Variants in INO80 observed in about 807,000 individuals in gnomAD.
The protein encoded by INO80 is INO80 complex ATPase subunit.
INO80 carries 20 observed loss-of-function variants against 203.4 expected under a neutral mutation model. That is an observed-to-expected ratio of 0.10 (90% CI 0.07 to 0.14). The LOEUF is 0.14. Among genes scored for constraint, INO80 ranks in the 10% least tolerant of loss-of-function variants. The pLI is 1.00. For missense variants in INO80, 1,419 were observed against 1,914.4 expected (o/e 0.74, Z 4.83); for synonymous variants, 726 against 685.2 (o/e 1.06, Z -0.93).
At chr15:41,066,147 T>C (rs1170674447) in intron 14 of INO80, among the ~76,000 whole-genome samples, 1 of 151,630 alleles carries the variant, frequency 6.6e-6, no homozygotes, top group Non-Finnish European at 1.5e-5. Flanking sequence ...CCCAGCTAAT[T>C]TTGTATTTTT....
intron 6 of INO80, among the ~76,000 whole-genome samples, chr15:41,086,736 T>A (rs1260394179): frequency 6.6e-6 from 1 of 152,104 alleles, no homozygotes; most frequent in East Asian, 1.9e-4. Context: ...TTCAGTTTCC[T>A]TCCTGATATC....
intron 1 of INO80, among the ~76,000 whole-genome samples, chr15:41,106,579 G>T (rs879833581): frequency 6.6e-6 from 1 of 151,822 alleles, no homozygotes; most frequent in East Asian, 1.9e-4. Flanking sequence ...TGGCTGCAGT[G>T]AGCATGCCAT....
chr15:41,096,408 T>C, intron 1 of INO80, 55 bp from the exon 2 acceptor site: 3 of 1,272,312 alleles, frequency 2.4e-6, no homozygotes, highest in South Asian at 1.8e-5. Flanking sequence ...TCTCCCTTTC[T>C]CTTGCCTGCT....
At chr15:41,017,128 G>C (rs980832871) in intron 26 of INO80, 1 of 152,132 alleles carries the variant, frequency 6.6e-6, no homozygotes, top group African/African-American at 2.4e-5. Flanking sequence ...GAGTTTCTCT[G>C]CAGTGAAGCT....
chr15:41,040,565 C>G (rs1413732662), intron 24 of INO80, among the ~76,000 whole-genome samples: 1 of 152,158 alleles, frequency 6.6e-6, no homozygotes, highest in Non-Finnish European at 1.5e-5. Flanking sequence ...AAAAATTATT[C>G]ACTATTCATC....
In INO80 at chr15:40,985,439, T is replaced by C; in HGVS notation, c.3833-13A>G. On this transcript the variant is annotated splice_polypyrimidine_tract_variant and intron_variant, in intron 31 of 35. Transcript: ENST00000648947. ...TGCCGCAGCCTCACTATCAAGAAAA[T>C]GAATTAAGACCTGATGAAGTACCTG... 3 of 1,598,032 alleles carry C rather than the reference T, an allele frequency of 1.9e-6. No homozygotes were observed. Among genetic ancestry groups the C allele is most frequent in the Non-Finnish European group, 2.6e-6 (3 of 1,165,418 alleles).
At chr15:41,098,152 C>G (rs1320534844) in intron 1 of INO80, among the ~76,000 whole-genome samples, 1 of 152,242 alleles carries the variant, frequency 6.6e-6, no homozygotes. Context: ...GCCCGGCCAA[C>G]TAAGTGATAA....
At chr15:41,074,072 C>T (rs1344330465) in intron 10 of INO80, among the ~76,000 whole-genome samples, 2 of 152,092 alleles carry the variant, frequency 1.3e-5, no homozygotes, top group African/African-American at 4.8e-5. Context: ...TGCTGAAACA[C>T]AGTTCAGTTC....
intron 28 of INO80, among the ~76,000 whole-genome samples, chr15:40,999,989 C>G (rs558234125): frequency 1.4e-4 from 22 of 152,228 alleles, no homozygotes; most frequent in African/African-American, 5.3e-4. Flanking sequence ...ACCCAGCTAC[C>G]TGGGAGGCTG....
intron 24 of INO80, among the ~76,000 whole-genome samples, chr15:41,033,516 CTCTT>C (rs1288019802): frequency 6.6e-6 from 1 of 152,044 alleles, no homozygotes; most frequent in Non-Finnish European, 1.5e-5. Context: ...CAAAATCACA[CTCTT>C]TATCCACTGC....
At chr15:41,111,363 T>C (rs1596334913) in intron 1 of INO80, among the ~76,000 whole-genome samples, 1 of 152,122 alleles carries the variant, frequency 6.6e-6, no homozygotes, top group Non-Finnish European at 1.5e-5. Context: ...GGAGAATTGC[T>C]TGAACCCAGG....
At chr15:41,027,552 T>C (rs1291092924) in intron 25 of INO80, 44 bp downstream of exon 25, 1 of 1,527,882 alleles carries the variant, frequency 6.5e-7, no homozygotes, top group Non-Finnish European at 8.9e-7. Context: ...GGTTTATTTC[T>C]CCTATTGCCA....
chr15:41,008,911 G>C (rs1175349644), intron 27 of INO80, among the ~76,000 whole-genome samples: 1 of 152,200 alleles, frequency 6.6e-6, no homozygotes, highest in African/African-American at 2.4e-5. Context: ...TTGGCTCACA[G>C]CAACTTCCAC....
At chr15:41,051,573 G>A (rs2044871551) in intron 19 of INO80, among the ~76,000 whole-genome samples, 1 of 151,744 alleles carries the variant, frequency 6.6e-6, no homozygotes, top group African/African-American at 2.4e-5. Context: ...CACTTTGGGA[G>A]GCCAAGGCAG....
chr15:41,022,756 A>T (rs1422004614), intron 25 of INO80, among the ~76,000 whole-genome samples: 1 of 152,222 alleles, frequency 6.6e-6, no homozygotes, highest in East Asian at 1.9e-4. Flanking sequence ...CAACAAAAAT[A>T]GTTTATCCAA....
chr15:41,041,397 T>C (rs983980801), intron 24 of INO80, among the ~76,000 whole-genome samples: 2 of 151,808 alleles, frequency 1.3e-5, no homozygotes, highest in East Asian at 1.9e-4. Flanking sequence ...AGCCTCTACA[T>C]TGTTGTTAAT....
At chr15:41,104,539 TTTC>T (rs1416498409) in intron 1 of INO80, among the ~76,000 whole-genome samples, 1 of 151,968 alleles carries the variant, frequency 6.6e-6, no homozygotes, top group Non-Finnish European at 1.5e-5. Flanking sequence ...CCTTATTTCT[TTTC>T]TTTTCTTTTT....
intron 27 of INO80, among the ~76,000 whole-genome samples, chr15:41,010,299 TA>T (rs1191037129): frequency 9.2e-5 from 14 of 152,226 alleles, no homozygotes; most frequent in African/African-American, 2.9e-4. Context: ...TGCTATTAAA[TA>T]TTTTTTTAAT....
intron 24 of INO80, among the ~76,000 whole-genome samples, chr15:41,029,715 A>G (rs1458635189): frequency 6.6e-6 from 1 of 152,238 alleles, no homozygotes; most frequent in Non-Finnish European, 1.5e-5. Context: ...TATCACTTGA[A>G]TGTCTAACAT....
Sources: gnomAD v4.1 joint callset for allele counts (sites outside exome capture counted in the v4.1 genomes callset) on GRCh38, gnomAD v4.1.1 for gene constraint, MANE v1.5 for transcripts, NCBI Gene and HGNC (gene_info 2026-07-23, HGNC 2026-07-21) for gene names.